ATXN2L: variants seen among roughly 807,000 people sequenced by gnomAD.
The protein encoded by ATXN2L is ataxin-2-like protein.
ATXN2L carries 24 observed loss-of-function variants against 120.7 expected under a neutral mutation model. That is an observed-to-expected ratio of 0.20 (90% CI 0.14 to 0.28). ATXN2L has a LOEUF of 0.28. Among genes scored for constraint, ATXN2L ranks in the 10% least tolerant of loss-of-function variants. ATXN2L has a pLI of 1.00. For missense variants in ATXN2L, 1,312 were observed against 1,432.3 expected (o/e 0.92, Z 1.36); for synonymous variants, 653 against 568.1 (o/e 1.15, Z -2.13).
intron 13 of ATXN2L, 45 bp from the exon 14 acceptor site, chr16:28,833,014 C>T: frequency 2.5e-6 from 4 of 1,600,614 alleles, no homozygotes; most frequent in Non-Finnish European, 3.4e-6. Context: ...AAAGCCAGGA[C>T]TAGGGTCTGG....
rs1160777190 is a variant in ATXN2L at position 28,826,519 on chromosome 16, A to G, written c.616+129A>G. 7 of 1,128,162 alleles carry G rather than the reference A, an allele frequency of 6.2e-6. No individual in the cohort carries two copies. The African/African-American group carries it at 7.7e-5, about 12-fold the overall frequency. 69.9% of individuals were successfully genotyped at this position (1,128,162 alleles called of 1,614,324 possible). On this transcript the variant is annotated intron_variant, in intron 5 of 21. Coordinates refer to ENST00000336783, the MANE Select transcript of ATXN2L (RefSeq NM_007245.4). ...GTTTTTGTTTGTTTGTTTTGCTTTAATGCCTTTTTTTTCCTGAGCGAAGTG... is the reference window on the plus strand; with the variant it reads ...GTTTTTGTTTGTTTGTTTTGCTTTAGTGCCTTTTTTTTCCTGAGCGAAGTG...
intron 15 of ATXN2L, 147 bp from the exon 16 acceptor site, chr16:28,833,918 A>T (rs1567429331): frequency 1.1e-6 from 1 of 925,734 alleles, no homozygotes; most frequent in East Asian, 2.6e-5. Flanking sequence ...TCATCTCCTC[A>T]TAGGGTTTAA....
chr16:28,830,748 A>G lies in ATXN2L; in HGVS notation c.1168A>G (p.Ser390Gly). ...TCGTGGCCCTCACCATCTGGACAACAGCAGCCCTGGCCCAGGTTCTGAGGC... is the reference window on the plus strand; with the variant it reads ...TCGTGGCCCTCACCATCTGGACAACGGCAGCCCTGGCCCAGGTTCTGAGGC... ...PPRGPHHLDN[S>G]SPGPGSEARG... Residue 390 changes from serine (S) to glycine (G), a missense_variant, in exon 9 of 22, where the codon AGC (serine) becomes GGC (glycine). By Grantham distance (56) the Ser-to-Gly change is moderately conservative. Transcript: ENST00000336783. 6.2e-7 allele frequency: 1 copy of G among 1,612,450 alleles called. No individual in the cohort carries two copies. The highest frequency in any genetic ancestry group is 1.1e-5 in the South Asian group (1 of 90,928).
chr16:28,823,316 G>T lies in ATXN2L; in HGVS notation c.57G>T (p.Thr19=). ...QPSQPQQPPP[T]QQAVARRPPG... is the part of the protein sequence containing the mutation. ...CCCAGCCCCAGCAGCCGCCCCCCAC[G>T]CAACAGGCCGTGGCCCGTCGGCCCC... Residue 19 remains threonine, a synonymous_variant, in exon 1 of 22, where the codon ACG becomes ACT. Coordinates refer to ENST00000336783, the MANE Select transcript of ATXN2L (RefSeq NM_007245.4). 1 of 1,483,504 alleles carries T rather than the reference G, an allele frequency of 6.7e-7. No individual in the cohort carries two copies. The highest frequency in any genetic ancestry group is 8.9e-7 in the Non-Finnish European group (1 of 1,118,376). 91.9% of individuals were successfully genotyped at this position (1,483,504 alleles called of 1,614,324 possible). A position where few individuals can be genotyped will look rare whatever the true frequency, so the allele number is the denominator to read the frequency against.
In ATXN2L at chr16:28,833,044, GT is replaced by G; in HGVS notation, c.1660-12del. ...GTCTGGGTCAGACTGGACTGTGTGT[GT>G]TTCTCTCTTCCAGCTTCAGCCCAGT... is the stretch of plus-strand genomic sequence containing the variant. On this transcript the variant is annotated splice_polypyrimidine_tract_variant and intron_variant, in intron 13 of 21. Coordinates refer to ENST00000336783, the MANE Select transcript of ATXN2L (RefSeq NM_007245.4). 1 of 1,611,962 alleles carries G rather than the reference GT, an allele frequency of 6.2e-7. No individual in the cohort carries two copies. The highest frequency in any genetic ancestry group is 1.1e-5 in the South Asian group (1 of 91,008).
chr16:28,830,129 T>C (rs1448649877), intron 8 of ATXN2L, 71 bp downstream of exon 8: 3 of 1,437,984 alleles, frequency 2.1e-6, no homozygotes, highest in African/African-American at 2.8e-5. Flanking sequence ...CCAGAGTTGA[T>C]GAGTGCTGTG....
chr16:28,825,301 A>T, intron 1 of ATXN2L, 65 bp from the exon 2 acceptor site: 1 of 1,466,812 alleles, frequency 6.8e-7, no homozygotes, highest in Non-Finnish European at 9.5e-7. Flanking sequence ...AGGATTTAAC[A>T]TTAATTTCAT....
chr16:28,829,439 T>C lies in ATXN2L; in HGVS notation c.780T>C (p.Asn260=), dbSNP rs2152019205. ...GWDPNEMFKF[N]EENYGVKTTY... ...ACCCCAATGAAATGTTCAAGTTCAA[T>C]GAGGAGAACTACGGTGTGAAGACTA... The change falls in exon 7 of 22, where the codon AAT becomes AAC. Residue 260 remains asparagine, a synonymous_variant. Coordinates refer to ENST00000336783, the MANE Select transcript of ATXN2L (RefSeq NM_007245.4). The C allele has an allele frequency of 6.2e-7, 1 of 1,613,422 alleles. No homozygotes were observed. The highest frequency in any genetic ancestry group is 2.2e-5 in the East Asian group (1 of 44,902).
rs763869383 is a variant in ATXN2L at position 28,829,438 on chromosome 16, A to G, written c.779A>G (p.Asn260Ser). ...GWDPNEMFKF[N>S]EENYGVKTTY... ...GACCCCAATGAAATGTTCAAGTTCA[A>G]TGAGGAGAACTACGGTGTGAAGACT... is the stretch of plus-strand genomic sequence containing the variant. The change falls in exon 7 of 22, where the codon AAT (asparagine) becomes AGT (serine). Residue 260 changes from asparagine (N) to serine (S), a missense_variant. Physicochemically the swap from Asn to Ser is conservative, Grantham distance 46. Coordinates refer to ENST00000336783, the MANE Select transcript of ATXN2L (RefSeq NM_007245.4). 1 of 1,613,672 alleles carries G rather than the reference A, an allele frequency of 6.2e-7. No homozygotes were observed. The highest frequency in any genetic ancestry group is 1.7e-5 in the Admixed American group (1 of 60,026).
chr16:28,832,124 T>C lies in ATXN2L; in HGVS notation c.1322-81T>C, dbSNP rs74955656. 4,702 of 1,470,030 alleles carry C rather than the reference T, an allele frequency of 3.2e-3. 11 individuals carry two copies. Among genetic ancestry groups the C allele is most frequent in the Middle Eastern group, 6.8e-3 (32 of 4,724 alleles). 91.1% of individuals were successfully genotyped at this position (1,470,030 alleles called of 1,614,324 possible). On this transcript the variant is annotated intron_variant, in intron 10 of 21. Coordinates refer to ENST00000336783, the MANE Select transcript of ATXN2L (RefSeq NM_007245.4). ...CTCTGGTTGTATAGTGTGTAAACTT[T>C]CTTGCTGTTTTGAGTAAGGCCCTTG...
chr16:28,834,716 G>T (rs1230773345), intron 18 of ATXN2L, 23 bp downstream of exon 18: 6 of 1,590,526 alleles, frequency 3.8e-6, no homozygotes, highest in African/African-American at 1.3e-5. Flanking sequence ...CAGGAGGGCA[G>T]TGAGGATCCA....
Position 28,823,133 on chromosome 16 carries a change from C to T in ATXN2L, c.-127C>T. The T allele has an allele frequency of 2.0e-6, 1 of 505,438 alleles. No individual in the cohort carries two copies. Among genetic ancestry groups the T allele is most frequent in the Non-Finnish European group, 3.1e-6 (1 of 325,982 alleles). 31.3% of individuals were successfully genotyped at this position (505,438 alleles called of 1,614,324 possible). A position where few individuals can be genotyped will look rare whatever the true frequency, so the allele number is the denominator to read the frequency against. ...TCCACCCCCGACACCGCGGGGCTCC[C>T]CCCGCCCGCCCACGGCGGGCCCCGG... is the stretch of plus-strand genomic sequence containing the variant. On this transcript the variant is annotated 5_prime_UTR_variant, in exon 1 of 22. Transcript: ENST00000336783.
chr16:28,831,052 C>A lies in ATXN2L; in HGVS notation c.1301C>A (p.Ser434Tyr), dbSNP rs371862735. The A allele has an allele frequency of 1.4e-5, 22 of 1,608,594 alleles. No homozygotes were observed. The African/African-American group carries it at 2.7e-4, about 20-fold the overall frequency. Residue 434 changes from serine to tyrosine, a missense_variant, in exon 10 of 22, where the codon TCT becomes TAT. By Grantham distance (144) the Ser-to-Tyr change is moderately radical. Coordinates refer to ENST00000336783, the MANE Select transcript of ATXN2L (RefSeq NM_007245.4). ...SPSNRPSGET[S>Y]VPPPPAVGRM... ...AGTAATAGGCCTTCTGGAGAAACTT[C>A]TGTTCCACCTCCTCCTGCAGGTAAA...
chr16:28,823,615 G>A, intron 1 of ATXN2L, 57 bp downstream of exon 1: 1 of 1,274,116 alleles, frequency 7.8e-7, no homozygotes, highest in African/African-American at 1.6e-5. Flanking sequence ...CTGTGGCTCG[G>A]TTCCGGTGGG....
At chr16:28,834,969 C>G in intron 18 of ATXN2L, 89 bp from the exon 19 acceptor site, 1 of 1,503,912 alleles carries the variant, frequency 6.6e-7, no homozygotes, top group Non-Finnish European at 9.0e-7. Context: ...TGTGAGGAGG[C>G]CCAAGCGGTG....
At chr16:28,823,673 C>A in intron 1 of ATXN2L, 115 bp downstream of exon 1, 1 of 1,075,416 alleles carries the variant, frequency 9.3e-7, no homozygotes, top group Non-Finnish European at 1.2e-6. Flanking sequence ...GGTGGGGAGT[C>A]CCCGTGAAGC....
intron 1 of ATXN2L, chr16:28,824,101 C>G: frequency 2.0e-6 from 2 of 1,014,738 alleles, no homozygotes; most frequent in Non-Finnish European, 2.4e-6. Flanking sequence ...GGAGGGATGA[C>G]TGGGAGGACT....
chr16:28,823,501 C>A lies in ATXN2L; in HGVS notation c.242C>A (p.Pro81Gln). The change falls in exon 1 of 22, where the codon CCG becomes CAG. Residue 81 changes from proline (P) to glutamine (Q), a missense_variant. Pro to Gln is a moderately conservative substitution (Grantham distance 76). Coordinates refer to ENST00000336783, the MANE Select transcript of ATXN2L (RefSeq NM_007245.4). ...RGAEGILAPQ[P>Q]PPPQQHQERP... ...GCCGAAGGCATCTTGGCGCCGCAGC[C>A]GCCGCCGCCGCAGCAACACCAGGAG... 4 of 1,361,684 alleles carry A rather than the reference C, an allele frequency of 2.9e-6. No individual in the cohort carries two copies. Among genetic ancestry groups the A allele is most frequent in the Non-Finnish European group, 9.4e-7 (1 of 1,058,556 alleles). The allele number at this position is 1,361,684 out of a possible 1,614,324, so 84.4% of individuals were successfully genotyped here. A position where few individuals can be genotyped will look rare whatever the true frequency, so the allele number is the denominator to read the frequency against.
rs1301715465 is a variant in ATXN2L at position 28,836,017 on chromosome 16, C to A, written c.2980C>A (p.Pro994Thr). ...GCCCCAGGTGATGCTGCTGCACCCA[C>A]CCCAGAGTCATGGGGGGCCCCCCCA... ...HPPQVMLLHP[P>T]QSHGGPPQGA... Residue 994 changes from proline to threonine, a missense_variant, in exon 22 of 22, where the codon CCC (proline) becomes ACC (threonine). Transcript: ENST00000336783. The A allele has an allele frequency of 2.5e-6, 4 of 1,581,594 alleles. 1 individual carries two copies. The highest frequency in any genetic ancestry group is 2.2e-5 in the East Asian group (1 of 44,528).
Sources: allele counts gnomAD v4.1 joint callset, GRCh38; gene constraint gnomAD v4.1.1; transcripts MANE v1.5; gene names NCBI Gene and HGNC (gene_info 2026-07-23, HGNC 2026-07-21).